The following CMTM7 variants were observed in gnomAD, a reference collection of about 807,000 sequenced individuals.
CMTM7 encodes CKLF like MARVEL transmembrane domain containing 7, also known as CKLF-like MARVEL transmembrane domain-containing protein 7.
A neutral mutation model predicts 19.3 loss-of-function variants in CMTM7; 7 were observed. That is an observed-to-expected ratio of 0.36 (90% CI 0.21 to 0.68). CMTM7 has a LOEUF of 0.68. Ranked by LOEUF, CMTM7 falls within the 30% of genes least tolerant of loss-of-function variation. The pLI is 0.60. For synonymous variants in CMTM7, 87 were observed against 99.3 expected (o/e 0.88, Z 0.74); for missense variants, 193 against 232.6 (o/e 0.83, Z 1.11).
intron 1 of CMTM7, among the ~76,000 whole-genome samples, chr3:32,421,703 C>A (rs1696347017): frequency 6.6e-6 from 1 of 152,172 alleles, no homozygotes; most frequent in Non-Finnish European, 1.5e-5. Flanking sequence ...TGCTCATCTC[C>A]TGGTGACAAC....
At chr3:32,401,887 G>A (rs1203931640) in intron 1 of CMTM7, among the ~76,000 whole-genome samples, 2 of 152,216 alleles carry the variant, frequency 1.3e-5, no homozygotes, top group African/African-American at 4.8e-5. Context: ...CTGGGACGCG[G>A]TCACTGCTCC....
chr3:32,420,455 C>G (rs1488844586), intron 1 of CMTM7, among the ~76,000 whole-genome samples: 1 of 152,186 alleles, frequency 6.6e-6, no homozygotes. Context: ...GAAGGGAGGT[C>G]TTTGTTTTCA....
chr3:32,404,166 T>C (rs532720916), intron 1 of CMTM7, among the ~76,000 whole-genome samples: 1 of 121,676 alleles, frequency 8.2e-6, no homozygotes, highest in East Asian at 2.3e-4. Flanking sequence ...TTTTTTCTTT[T>C]TTTTTTTTTT....
At chr3:32,435,434 A>C (rs1170903345) in intron 1 of CMTM7, among the ~76,000 whole-genome samples, 1 of 152,244 alleles carries the variant, frequency 6.6e-6, no homozygotes, top group Non-Finnish European at 1.5e-5. Flanking sequence ...ATTCATACAG[A>C]TACAAAGAAG....
At chr3:32,423,586 G>A (rs1413771046) in intron 1 of CMTM7, among the ~76,000 whole-genome samples, 1 of 152,170 alleles carries the variant, frequency 6.6e-6, no homozygotes, top group Non-Finnish European at 1.5e-5. Flanking sequence ...GAAGCAGAGC[G>A]TGGAGCCCCC....
intron 3 of CMTM7, among the ~76,000 whole-genome samples, chr3:32,450,331 C>T (rs1042293334): frequency 6.6e-6 from 1 of 152,030 alleles, no homozygotes; most frequent in African/African-American, 2.4e-5. Flanking sequence ...CCCAGGCACT[C>T]GGCAGGAATG....
At chr3:32,450,100 T>C (rs957426104) in intron 3 of CMTM7, among the ~76,000 whole-genome samples, 5 of 152,216 alleles carry the variant, frequency 3.3e-5, no homozygotes, top group African/African-American at 1.2e-4. Context: ...CTGTGAGATA[T>C]ATACATACAT....
rs539315686 is a variant in CMTM7 at position 32,454,491 on chromosome 3, A to G, written c.*237A>G. On this transcript the variant is annotated 3_prime_UTR_variant, in exon 5 of 5. Coordinates refer to ENST00000334983, the MANE Select transcript of CMTM7 (RefSeq NM_138410.4). Reference sequence around the variant, plus strand: ...CATCCCTCCCATTCTGGGAAAGGAAAGCAGCCTCCAGGGAAATGTTTTCTG... The same window carrying G: ...CATCCCTCCCATTCTGGGAAAGGAAGGCAGCCTCCAGGGAAATGTTTTCTG... 2 of 697,116 alleles carry G rather than the reference A, an allele frequency of 2.9e-6. No homozygotes were observed. Among genetic ancestry groups the G allele is most frequent in the Admixed American group, 4.0e-5 (2 of 49,756 alleles). 43.2% of individuals were successfully genotyped at this position (697,116 alleles called of 1,614,324 possible).
At chr3:32,424,987 C>CA (rs1443512407) in intron 1 of CMTM7, among the ~76,000 whole-genome samples, 2 of 152,122 alleles carry the variant, frequency 1.3e-5, no homozygotes, top group East Asian at 3.9e-4. Flanking sequence ...AGGCCAGAGG[C>CA]AAAAAACGTA....
chr3:32,431,043 T>A (rs1168929296), intron 1 of CMTM7, among the ~76,000 whole-genome samples: 1 of 152,184 alleles, frequency 6.6e-6, no homozygotes, highest in East Asian at 1.9e-4. Context: ...ACACAACAGA[T>A]CATCATGGAA....
chr3:32,449,347 A>C lies in CMTM7; in HGVS notation c.334-107A>C. Reference sequence around the variant, plus strand: ...TTTGCGTGTTGCAAGGGAGAAGAGGAAGCGTCACTCTCTCCCTTTCTTTTC... The same window carrying C: ...TTTGCGTGTTGCAAGGGAGAAGAGGCAGCGTCACTCTCTCCCTTTCTTTTC... On this transcript the variant is annotated intron_variant, in intron 2 of 4. Transcript: ENST00000334983. The surrounding 1 kb of genome is among the most constrained non-coding windows in gnomAD (Gnocchi z 4.5). 2.4e-6 allele frequency: 2 copies of C among 820,964 alleles called. No individual in the cohort carries two copies. Among genetic ancestry groups the C allele is most frequent in the Non-Finnish European group, 4.3e-6 (2 of 461,386 alleles). The allele number at this position is 820,964 out of a possible 1,614,324, so 50.9% of individuals were successfully genotyped here.
chr3:32,445,828 A>G (rs566365457), intron 2 of CMTM7, among the ~76,000 whole-genome samples: 4 of 152,016 alleles, frequency 2.6e-5, no homozygotes, highest in Admixed American at 2.6e-4. Context: ...GTTTGTTTGT[A>G]TATGTTGGGC....
At chr3:32,444,557 A>G (rs1696726668) in intron 2 of CMTM7, among the ~76,000 whole-genome samples, 1 of 152,234 alleles carries the variant, frequency 6.6e-6, no homozygotes, top group East Asian at 1.9e-4. Context: ...TGTGAATTTT[A>G]GAATCGGGTT....
chr3:32,412,134 T>C (rs926583673), intron 1 of CMTM7, among the ~76,000 whole-genome samples: 8 of 152,184 alleles, frequency 5.3e-5, no homozygotes, highest in African/African-American at 1.4e-4. Flanking sequence ...AACTGTCTCG[T>C]AGAAGCTGCT....
chr3:32,430,786 A>G (rs1257137154), intron 1 of CMTM7, among the ~76,000 whole-genome samples: 1 of 151,210 alleles, frequency 6.6e-6, no homozygotes, highest in Non-Finnish European at 1.5e-5. Context: ...GACAGGAGAG[A>G]GTGAACGTGC....
intron 1 of CMTM7, among the ~76,000 whole-genome samples, chr3:32,415,928 T>G (rs654851): frequency 6.6e-6 from 1 of 152,162 alleles, no homozygotes; most frequent in Non-Finnish European, 1.5e-5. Flanking sequence ...TGTCCAAGGT[T>G]TCTCAGACGT....
intron 1 of CMTM7, among the ~76,000 whole-genome samples, chr3:32,419,247 C>T (rs1671228534): frequency 6.6e-6 from 1 of 152,168 alleles, no homozygotes; most frequent in Admixed American, 6.5e-5. Flanking sequence ...TATCTCATGA[C>T]ATTACTAAAG....
At chr3:32,432,279 C>T (rs192985181) in intron 1 of CMTM7, among the ~76,000 whole-genome samples, 5 of 152,310 alleles carry the variant, frequency 3.3e-5, no homozygotes, top group African/African-American at 1.2e-4. Context: ...GGTTGCCACT[C>T]CACTTGCCTC....
At chr3:32,400,458 C>T (rs1238364816) in intron 1 of CMTM7, among the ~76,000 whole-genome samples, 5 of 120,346 alleles carry the variant, frequency 4.2e-5, no homozygotes, top group East Asian at 2.4e-4. Flanking sequence ...AGTGCAGTGG[C>T]GCGGGCTCAC....
Sources: gnomAD v4.1 joint callset for allele counts (sites outside exome capture counted in the v4.1 genomes callset) on GRCh38, gnomAD v4.1.1 for gene constraint, Gnocchi (gnomAD v3.1) non-coding constraint, MANE v1.5 for transcripts, NCBI Gene and HGNC (gene_info 2026-07-23, HGNC 2026-07-21) for gene names.